The following PLXNC1 variants were observed in gnomAD, a reference collection of about 807,000 sequenced individuals.
PLXNC1 encodes plexin C1, also known as plexin-C1.
PLXNC1 carries 75 observed loss-of-function variants against 178.2 expected under a neutral mutation model. The ratio of observed to expected loss-of-function variants is 0.42; its 90% CI spans 0.35 to 0.51. The LOEUF is 0.51. Among genes scored for constraint, PLXNC1 ranks in the 20% least tolerant of loss-of-function variants. PLXNC1 has a pLI of 0.02. For missense variants in PLXNC1, 1,503 were observed against 1,984.4 expected (o/e 0.76, Z 4.61); for synonymous variants, 790 against 779.9 (o/e 1.01, Z -0.22).
intron 4 of PLXNC1, among the ~76,000 whole-genome samples, chr12:94,187,435 ATGGAAT>A (rs1353422011): frequency 3.9e-5 from 6 of 152,274 alleles, no homozygotes; most frequent in African/African-American, 1.4e-4. Context: ...AAATACGGGG[ATGGAAT>A]TAATTAAGAG....
At position 94,237,704 on chromosome 12, in the gene PLXNC1, C is replaced by T. The variant is rs1010881876; in HGVS notation, c.2021C>T (p.Thr674Ile). ...IKSIEPQKVS[T>I]LGKSNVIVTG... ...TCCATTGAGCCACAGAAAGTATCGA[C>T]ATTAGGGAAAAGCAACGTGATAGTA... The change falls in exon 10 of 31, where the codon ACA becomes ATA. Residue 674 changes from threonine to isoleucine, a missense_variant. By Grantham distance (89) the Thr-to-Ile change is moderately conservative. Transcript: ENST00000258526. 2.5e-6 allele frequency: 4 copies of T among 1,613,832 alleles called. No homozygotes were observed. Among genetic ancestry groups the T allele is most frequent in the Non-Finnish European group, 2.5e-6 (3 of 1,179,772 alleles).
intron 6 of PLXNC1, among the ~76,000 whole-genome samples, chr12:94,222,510 C>T (rs1963824191): frequency 6.6e-6 from 1 of 152,178 alleles, no homozygotes; most frequent in South Asian, 2.1e-4. Flanking sequence ...TCTAACACCC[C>T]TTTGGTCCTC....
chr12:94,187,652 T>G (rs1962566128), intron 4 of PLXNC1, among the ~76,000 whole-genome samples: 1 of 152,194 alleles, frequency 6.6e-6, no homozygotes, highest in South Asian at 2.1e-4. Context: ...TGCCATAATC[T>G]TTTAGATCCA....
chr12:94,153,285 A>T (rs1266343110), intron 1 of PLXNC1, among the ~76,000 whole-genome samples: 1 of 152,206 alleles, frequency 6.6e-6, no homozygotes, highest in African/African-American at 2.4e-5. Flanking sequence ...AAGGTCCCCT[A>T]ATTAAATTGG....
intron 1 of PLXNC1, among the ~76,000 whole-genome samples, chr12:94,163,022 C>T (rs1476692759): frequency 3.3e-5 from 5 of 152,122 alleles, no homozygotes; most frequent in Admixed American, 6.5e-5. Context: ...ATGTAGAATG[C>T]CAGTTGTTTC....
At chr12:94,153,278 G>T (rs1004350641) in intron 1 of PLXNC1, among the ~76,000 whole-genome samples, 2 of 152,148 alleles carry the variant, frequency 1.3e-5, no homozygotes, top group East Asian at 3.9e-4. Context: ...TCCCTTGAAG[G>T]TCCCCTAATT....
intron 1 of PLXNC1, among the ~76,000 whole-genome samples, chr12:94,166,313 T>C (rs1447547724): frequency 6.7e-6 from 1 of 149,286 alleles, no homozygotes. Context: ...ATAAAAAGTC[T>C]GTGCTCTTAT....
At chr12:94,175,883 T>G (rs1181680358) in intron 2 of PLXNC1, among the ~76,000 whole-genome samples, 1 of 152,164 alleles carries the variant, frequency 6.6e-6, no homozygotes. Context: ...ACACTTCAGA[T>G]AGTGCTATGA....
At chr12:94,272,411 A>T (rs1029183205) in intron 21 of PLXNC1, 1 of 152,366 alleles carries the variant, frequency 6.6e-6, no homozygotes, top group Non-Finnish European at 1.5e-5. Flanking sequence ...GTCACCAGCC[A>T]TCTTTTAAGG....
intron 5 of PLXNC1, among the ~76,000 whole-genome samples, chr12:94,218,393 C>T (rs1348496617): frequency 6.6e-6 from 1 of 152,084 alleles, no homozygotes; most frequent in Non-Finnish European, 1.5e-5. Flanking sequence ...GGTGGCAGTG[C>T]CTAAGTCTGG....
chr12:94,177,528 A>AG (rs1962144097), intron 2 of PLXNC1, among the ~76,000 whole-genome samples: 1 of 146,806 alleles, frequency 6.8e-6, no homozygotes, highest in African/African-American at 2.7e-5. Context: ...AGAGAGAGGG[A>AG]GAAAGAAAGA....
At chr12:94,257,607 G>A (rs139446474) in intron 17 of PLXNC1, among the ~76,000 whole-genome samples, 7,371 of 151,934 alleles carry the variant, frequency 0.049, 613 homozygotes, top group African/African-American at 0.17. Context: ...AACCCCGTCT[G>A]TACTAAAAAT....
chr12:94,305,292 T>G lies in PLXNC1; in HGVS notation c.*7T>G. On this transcript the variant is annotated 3_prime_UTR_variant, in exon 31 of 31. Transcript: ENST00000258526. ...GAAATGCAAGTGGATGTAAGCACTC[T>G]GGGGCCTGGCTTAATCTGGCAAAGT... 1 of 1,570,048 alleles carries G rather than the reference T, an allele frequency of 6.4e-7. No homozygotes were observed. Among genetic ancestry groups the G allele is most frequent in the Non-Finnish European group, 8.7e-7 (1 of 1,143,380 alleles).
intron 4 of PLXNC1, among the ~76,000 whole-genome samples, chr12:94,190,417 A>T (rs1388804691): frequency 6.6e-6 from 1 of 151,766 alleles, no homozygotes; most frequent in African/African-American, 2.4e-5. Flanking sequence ...TTTTTTTTGT[A>T]TTTTGTAGAG....
intron 9 of PLXNC1, among the ~76,000 whole-genome samples, chr12:94,227,831 G>T (rs1963988666): frequency 6.6e-6 from 1 of 152,178 alleles, no homozygotes; most frequent in Admixed American, 6.5e-5. Flanking sequence ...TTGAAAAGAG[G>T]GGACATGTCA....
intron 9 of PLXNC1, among the ~76,000 whole-genome samples, chr12:94,232,026 C>A (rs758347341): frequency 2.0e-5 from 3 of 152,214 alleles, no homozygotes. Flanking sequence ...GTCATATCCC[C>A]TGGCAATTTA....
At chr12:94,304,223 G>A (rs1968776156) in intron 30 of PLXNC1, 172 bp downstream of exon 30, 2 of 528,810 alleles carry the variant, frequency 3.8e-6, no homozygotes, top group South Asian at 2.7e-5. Context: ...GTACATGGCT[G>A]CCCCCCTTAC....
intron 1 of PLXNC1, among the ~76,000 whole-genome samples, chr12:94,154,837 T>C (rs989378278): frequency 6.6e-6 from 1 of 152,236 alleles, no homozygotes; most frequent in Admixed American, 6.5e-5. Flanking sequence ...ATACATCATC[T>C]CAAAGGGTGT....
At chr12:94,177,149 G>GTA (rs1193393522) in intron 2 of PLXNC1, among the ~76,000 whole-genome samples, 6 of 91,854 alleles carry the variant, frequency 6.5e-5, no homozygotes, top group Admixed American at 1.3e-4. Context: ...GTGTGTGTGT[G>GTA]TATATATATA....
Sources: gnomAD v4.1 joint callset for allele counts (sites outside exome capture counted in the v4.1 genomes callset) on GRCh38, gnomAD v4.1.1 for gene constraint, MANE v1.5 for transcripts, NCBI Gene and HGNC (gene_info 2026-07-23, HGNC 2026-07-21) for gene names.